The following ETS1 variants were observed in gnomAD, a reference collection of about 807,000 sequenced individuals.
ETS1 encodes the protein ETS proto-oncogene 1, transcription factor.
A neutral mutation model predicts 58.6 loss-of-function variants in ETS1; 15 were observed. That is an observed-to-expected ratio of 0.26 (90% CI 0.17 to 0.39). The LOEUF is 0.39. Ranked by LOEUF, ETS1 falls within the 10% of genes least tolerant of loss-of-function variation. The pLI is 1.00. For missense variants in ETS1, 417 were observed against 610.5 expected (o/e 0.68, Z 3.34); for synonymous variants, 214 against 218.2 (o/e 0.98, Z 0.17).
intron 3 of ETS1, among the ~76,000 whole-genome samples, chr11:128,511,633 T>C (rs1479598050): frequency 6.6e-6 from 1 of 152,244 alleles, no homozygotes; most frequent in Non-Finnish European, 1.5e-5. Flanking sequence ...GCATAAAATA[T>C]GTGGGTGAAA....
chr11:128,510,656 A>G (rs1294236416), intron 3 of ETS1, among the ~76,000 whole-genome samples: 3 of 152,224 alleles, frequency 2.0e-5, no homozygotes, highest in Non-Finnish European at 4.4e-5. Flanking sequence ...TAGTGCCCAG[A>G]TTCAAAACAG....
chr11:128,584,322 CT>C (rs1205694967), intron 1 of ETS1, among the ~76,000 whole-genome samples: 1 of 152,184 alleles, frequency 6.6e-6, no homozygotes, highest in Non-Finnish European at 1.5e-5. Flanking sequence ...GTGTAAATGT[CT>C]TAGAGTTACT....
chr11:128,532,284 T>C (rs770246990), intron 3 of ETS1, among the ~76,000 whole-genome samples: 1 of 152,202 alleles, frequency 6.6e-6, no homozygotes, highest in Non-Finnish European at 1.5e-5. Context: ...AGGGAAAGGT[T>C]TCTCTTATTG....
At position 128,489,456 on chromosome 11, in the gene ETS1, G is replaced by T; in HGVS notation, c.369C>A (p.Asp123Glu). 3 of 1,614,094 alleles carry T rather than the reference G, an allele frequency of 1.9e-6. No individual in the cohort carries two copies. The highest frequency in any genetic ancestry group is 2.5e-6 in the Non-Finnish European group (3 of 1,180,016). Reference protein sequence around the residue: ...PRQWTETHVRDWVMWAVNEFS... With the variant: ...PRQWTETHVREWVMWAVNEFS... The stretch of plus-strand genomic sequence containing the variant: ...ATTCATTCACAGCCCACATCACCCA[G>T]TCCCGAACATGGGTTTCTGTCCACT... Residue 123 changes from aspartate to glutamate, a missense_variant, in exon 5 of 10, where the codon GAC (aspartate) becomes GAA (glutamate). Around this residue, in one of 4 missense-constraint regions of ETS1, gnomAD observed 132 missense variants for 212.1 expected, o/e 0.62. Coordinates refer to ENST00000392668, the MANE Select transcript of ETS1 (RefSeq NM_001143820.2).
At chr11:128,493,631 C>T (rs189235619) in intron 3 of ETS1, among the ~76,000 whole-genome samples, 4 of 152,196 alleles carry the variant, frequency 2.6e-5, no homozygotes, top group Admixed American at 2.6e-4. Context: ...GAAGGCACAG[C>T]ATTGTCTTTG....
rs144443527 is a variant in ETS1 at position 128,502,006 on chromosome 11, GGAGA to G, written c.215-11434_215-11431del. On this transcript the variant is annotated intron_variant, in intron 3 of 9. Coordinates refer to ENST00000392668, the MANE Select transcript of ETS1 (RefSeq NM_001143820.2). ...GAAAGACAGAGAAAGGGGGTGGGGT[GGAGA>G]GAGAGAGAGAGAGAGAAAGAGAGCT... Among the ~76,000 whole-genome samples, 16 of 149,990 alleles carry G rather than the reference GGAGA, an allele frequency of 1.1e-4. 1 individual carries two copies. The highest frequency in any genetic ancestry group is 4.2e-4 in the South Asian group (2 of 4,762).
intron 3 of ETS1, among the ~76,000 whole-genome samples, chr11:128,532,253 C>T (rs1211829926): frequency 6.6e-6 from 1 of 152,210 alleles, no homozygotes; most frequent in Non-Finnish European, 1.5e-5. Flanking sequence ...CCTATGCTGA[C>T]CAGTTGCCCA....
At chr11:128,576,857 T>C (rs1410762280) in intron 1 of ETS1, among the ~76,000 whole-genome samples, 2 of 152,158 alleles carry the variant, frequency 1.3e-5, no homozygotes, top group Non-Finnish European at 2.9e-5. Flanking sequence ...GAGTGAACCC[T>C]GCCTCCTCAG....
At chr11:128,466,479 G>A (rs2135414476) in intron 8 of ETS1, among the ~76,000 whole-genome samples, 1 of 152,306 alleles carries the variant, frequency 6.6e-6, no homozygotes, top group East Asian at 1.9e-4. Context: ...CAATTCCCGT[G>A]GTTTGCACCA....
intron 3 of ETS1, among the ~76,000 whole-genome samples, chr11:128,541,567 G>C (rs1355073704): frequency 6.6e-6 from 1 of 152,180 alleles, no homozygotes; most frequent in Non-Finnish European, 1.5e-5. Context: ...TGATCTTTGG[G>C]TTTTATTCCA....
At chr11:128,499,923 C>G (rs1445160901) in intron 3 of ETS1, among the ~76,000 whole-genome samples, 1 of 152,144 alleles carries the variant, frequency 6.6e-6, no homozygotes, top group Non-Finnish European at 1.5e-5. Flanking sequence ...GAGTAGAGCC[C>G]GTTTATTTAG....
At chr11:128,577,953 T>C (rs1306278101) in intron 1 of ETS1, among the ~76,000 whole-genome samples, 1 of 150,178 alleles carries the variant, frequency 6.7e-6, no homozygotes, top group African/African-American at 2.4e-5. Flanking sequence ...AAGATGCTTC[T>C]CTAAGCACCC....
At position 128,459,502 on chromosome 11, in the gene ETS1, C is replaced by A. The variant is rs564943164; in HGVS notation, c.*2859G>T. On this transcript the variant is annotated 3_prime_UTR_variant, in exon 10 of 10. Transcript: ENST00000392668. Reference sequence around the variant, plus strand: ...TCCCTCTCCAGAATGGAGAAGGGAACAAAAGTGACTCTGAACCCTAAAGCC... The same window carrying A: ...TCCCTCTCCAGAATGGAGAAGGGAAAAAAAGTGACTCTGAACCCTAAAGCC... The A allele has an allele frequency of 2.0e-5, 3 of 152,890 alleles. No individual in the cohort carries two copies. Among genetic ancestry groups the A allele is most frequent in the Admixed American group, 6.5e-5 (1 of 15,304 alleles). 9.5% of individuals were successfully genotyped at this position (152,890 alleles called of 1,614,324 possible).
chr11:128,514,106 G>C (rs956048722), intron 3 of ETS1, among the ~76,000 whole-genome samples: 1 of 152,158 alleles, frequency 6.6e-6, no homozygotes, highest in African/African-American at 2.4e-5. Context: ...GCAGATTCCT[G>C]TGCCTGACCG....
At chr11:128,548,079 A>C (rs1168334319) in intron 3 of ETS1, among the ~76,000 whole-genome samples, 2 of 150,830 alleles carry the variant, frequency 1.3e-5, no homozygotes, top group Non-Finnish European at 3.0e-5. Flanking sequence ...AGAGAGAAAG[A>C]AAAAAAGAAA....
At chr11:128,514,060 CA>C (rs1863458944) in intron 3 of ETS1, among the ~76,000 whole-genome samples, 1 of 152,122 alleles carries the variant, frequency 6.6e-6, no homozygotes, top group Non-Finnish European at 1.5e-5. Flanking sequence ...CTAGATACTT[CA>C]AAAAACCCGT....
chr11:128,553,226 A>G (rs1423304886), intron 3 of ETS1, among the ~76,000 whole-genome samples: 1 of 152,218 alleles, frequency 6.6e-6, no homozygotes, highest in African/African-American at 2.4e-5. Flanking sequence ...AGGAGGGGGA[A>G]GAGGCGGACG....
intron 3 of ETS1, among the ~76,000 whole-genome samples, chr11:128,512,785 T>G (rs1381309119): frequency 1.3e-5 from 2 of 152,218 alleles, no homozygotes; most frequent in African/African-American, 4.8e-5. Context: ...TAACAGCAGA[T>G]TGCATTCTCA....
Position 128,568,299 on chromosome 11 carries a change from C to T in ETS1, c.69+4763G>A, listed in dbSNP as rs11825022. ...ATGTTTAGTCAAAACTGAGAGCAGC[C>T]CAGCCCGCTCATTCCCGCCACTCTC... is the stretch of plus-strand genomic sequence containing the variant. On this transcript the variant is annotated intron_variant, in intron 2 of 9. Transcript: ENST00000392668. 4.9e-3 allele frequency among the ~76,000 whole-genome samples: 741 copies of T among 152,266 alleles called. 1 individual carries two copies. The highest frequency in any genetic ancestry group is 0.017 in the Middle Eastern group (5 of 294).
Sources: allele counts gnomAD v4.1 joint callset (sites outside exome capture counted in the v4.1 genomes callset), GRCh38; gene constraint gnomAD v4.1.1; regional missense constraint gnomAD v4.1.1; transcripts MANE v1.5; gene names NCBI Gene and HGNC (gene_info 2026-07-23, HGNC 2026-07-21).